HDAC4: variants seen among roughly 807,000 people sequenced by gnomAD.
The protein encoded by HDAC4 is histone deacetylase A.
Under a neutral mutation model 135.1 loss-of-function variants are expected in HDAC4, and 16 were observed. The ratio of observed to expected loss-of-function variants is 0.12; its 90% CI spans 0.08 to 0.18. HDAC4 has a LOEUF of 0.18. Ranked by LOEUF, HDAC4 falls within the 10% of genes least tolerant of loss-of-function variation. The pLI, the probability that HDAC4 is intolerant of heterozygous loss-of-function variation, is 1.00. For missense variants in HDAC4, 1,143 were observed against 1,511.8 expected, an observed-to-expected ratio of 0.76 and a Z score of 4.05; for synonymous variants, 685 against 653.4, an observed-to-expected ratio of 1.05 and a Z score of -0.74.
chr2:239,130,303 T>C (rs1488889216), intron 11 of HDAC4, among the ~76,000 whole-genome samples: 1 of 152,198 alleles, frequency 6.6e-6, no homozygotes, highest in Non-Finnish European at 1.5e-5. Flanking sequence ...CGGCCAGCTG[T>C]GCTCAAGCCC....
At chr2:239,108,307 G>A (rs960590009) in intron 14 of HDAC4, 124 bp from the exon 15 acceptor site, 22 of 1,235,968 alleles carry the variant, frequency 1.8e-5, no homozygotes, top group Admixed American at 4.1e-5. Context: ...AAGCTGGGAC[G>A]GTTCTTTAGA....
At chr2:239,108,799 A>G (rs2038392850) in intron 14 of HDAC4, among the ~76,000 whole-genome samples, 1 of 152,246 alleles carries the variant, frequency 6.6e-6, no homozygotes, top group Admixed American at 6.5e-5. Flanking sequence ...TCTGACTGTG[A>G]AAAGAGGCCA....
At position 239,376,024 on chromosome 2, in the gene HDAC4, C is replaced by A. The variant is rs187452510; in HGVS notation, c.-219-23106G>T. On this transcript the variant is annotated intron_variant, in intron 1 of 26. Coordinates refer to ENST00000543185, the MANE Select transcript of HDAC4 (RefSeq NM_001378414.1). ...CTGCTTCAATGTGTCCTTTGATGGT[C>A]CCTAAAGCAGGGCTGGCAGGTTCTG... Among the ~76,000 whole-genome samples the A allele has an allele frequency of 3.0e-4, 45 of 152,372 alleles. No individual in the cohort carries two copies. In the East Asian group the frequency reaches 7.9e-3, roughly 27 times the overall value.
chr2:239,191,274 G>A (rs923981315), intron 3 of HDAC4, among the ~76,000 whole-genome samples: 1 of 152,218 alleles, frequency 6.6e-6, no homozygotes, highest in Non-Finnish European at 1.5e-5. Flanking sequence ...ACCTTTGGGC[G>A]TGACCTTGTC....
intron 2 of HDAC4, among the ~76,000 whole-genome samples, chr2:239,282,474 C>T (rs62643380): frequency 0.059 from 8,797 of 148,562 alleles, 485 homozygotes; most frequent in Non-Finnish European, 0.084. Context: ...TCAATGTACA[C>T]ACCACTCTAC....
intron 2 of HDAC4, among the ~76,000 whole-genome samples, chr2:239,305,984 T>A (rs2052559735): frequency 6.6e-6 from 1 of 152,236 alleles, no homozygotes; most frequent in African/African-American, 2.4e-5. Context: ...TGCAGCACCC[T>A]GGGCAAGCAC....
chr2:239,398,089 T>A (rs1298823576), intron 1 of HDAC4, among the ~76,000 whole-genome samples: 5 of 150,538 alleles, frequency 3.3e-5, no homozygotes, highest in Non-Finnish European at 5.9e-5. Flanking sequence ...CAGCTAGTCA[T>A]CAATTCTGAG....
intron 7 of HDAC4, among the ~76,000 whole-genome samples, chr2:239,156,386 A>G (rs2042424899): frequency 6.6e-6 from 1 of 152,230 alleles, no homozygotes; most frequent in Non-Finnish European, 1.5e-5. Flanking sequence ...CCACCGAAAG[A>G]AAACTAAACT....
intron 16 of HDAC4, among the ~76,000 whole-genome samples, chr2:239,101,376 G>A (rs1316413310): frequency 1.3e-5 from 2 of 152,202 alleles, no homozygotes; most frequent in African/African-American, 2.4e-5. Context: ...AGGCGTGAGC[G>A]AGTGAGTGAG....
intron 2 of HDAC4, among the ~76,000 whole-genome samples, chr2:239,279,199 T>C (rs906334147): frequency 6.6e-6 from 1 of 152,208 alleles, no homozygotes; most frequent in Non-Finnish European, 1.5e-5. Context: ...CCTGATTTGC[T>C]GTTTCTCCCA....
chr2:239,080,972 C>T (rs2152682943), intron 22 of HDAC4, 123 bp downstream of exon 22: 2 of 708,020 alleles, frequency 2.8e-6, no homozygotes, highest in East Asian at 2.7e-5. Flanking sequence ...TCCTCCGGAC[C>T]CCACAGCCCC....
At chr2:239,163,773 G>A in intron 6 of HDAC4, 30 bp downstream of exon 6, 6 of 1,612,702 alleles carry the variant, frequency 3.7e-6, no homozygotes, top group Non-Finnish European at 5.1e-6. Flanking sequence ...CCAGAGAGGA[G>A]GCCGGGGTGC....
chr2:239,092,878 TTCTC>T (rs536855724), intron 17 of HDAC4, among the ~76,000 whole-genome samples: 2 of 151,948 alleles, frequency 1.3e-5, no homozygotes, highest in Non-Finnish European at 2.9e-5. Context: ...TTTCCTTTCT[TTCTC>T]TCTCTCTCGC....
In HDAC4 at chr2:239,313,991, G is replaced by A. The variant is rs1317722964; in HGVS notation, c.22+38687C>T. ...AGACAGGCCTGCAAGGGACACATCC[G>A]GGCCTGGGCTTGGTGCTGGCTAGAA... On this transcript the variant is annotated intron_variant, in intron 2 of 26. Transcript: ENST00000543185. The surrounding 1 kb of genome is among the most constrained non-coding windows in gnomAD (Gnocchi z 5.1). Among the ~76,000 whole-genome samples, 1 of 152,110 alleles carries A rather than the reference G, an allele frequency of 6.6e-6. No individual in the cohort carries two copies. The highest frequency in any genetic ancestry group is 1.5e-5 in the Non-Finnish European group (1 of 68,016).
At chr2:239,231,251 G>A (rs1373431213) in intron 3 of HDAC4, among the ~76,000 whole-genome samples, 1 of 152,212 alleles carries the variant, frequency 6.6e-6, no homozygotes, top group Non-Finnish European at 1.5e-5. Context: ...ACCGTGGAAC[G>A]TGCTTCTCTT....
At chr2:239,260,233 C>G (rs2049277153) in intron 2 of HDAC4, among the ~76,000 whole-genome samples, 1 of 152,234 alleles carries the variant, frequency 6.6e-6, no homozygotes, top group Admixed American at 6.5e-5. Context: ...CGCACACACA[C>G]ACGCTCATGC....
chr2:239,210,820 G>A (rs751158174), intron 3 of HDAC4, among the ~76,000 whole-genome samples: 1 of 152,170 alleles, frequency 6.6e-6, no homozygotes, highest in Admixed American at 6.5e-5. Flanking sequence ...AGCCTGGAAC[G>A]CGGCTGAGAC....
chr2:239,162,315 T>G, intron 6 of HDAC4: 1 of 456,370 alleles, frequency 2.2e-6, no homozygotes, highest in Non-Finnish European at 4.4e-6. Flanking sequence ...CAGCTCTCCA[T>G]CCTCCGCCAG....
At chr2:239,118,615 T>C (rs1041203458) in intron 12 of HDAC4, among the ~76,000 whole-genome samples, 1 of 152,090 alleles carries the variant, frequency 6.6e-6, no homozygotes, top group African/African-American at 2.4e-5. Context: ...ACAGACACAA[T>C]GAGAGCCCCG....
Sources: allele counts gnomAD v4.1 joint callset (sites outside exome capture counted in the v4.1 genomes callset), GRCh38; gene constraint gnomAD v4.1.1; non-coding constraint Gnocchi (gnomAD v3.1); transcripts MANE v1.5; gene names NCBI Gene and HGNC (gene_info 2026-07-23, HGNC 2026-07-21).